LINGO2: variants seen among roughly 807,000 people sequenced by gnomAD.
LINGO2 encodes leucine rich repeat and Ig domain containing 2.
A neutral mutation model predicts 30.6 loss-of-function variants in LINGO2; 14 were observed. The ratio of observed to expected loss-of-function variants is 0.46; its 90% confidence interval spans 0.30 to 0.72. The LOEUF is 0.72. LINGO2 is among the 30% of genes least tolerant of loss of function. The probability of loss-of-function intolerance (pLI) is 0.07; values close to 1 mark genes in which losing one functional copy is unlikely to be tolerated. For synonymous variants in LINGO2, 317 were observed against 288.5 expected (o/e 1.10, Z -1.00); for missense variants, 729 against 751.7 (o/e 0.97, Z 0.35).
intron 5 of LINGO2, among the ~76,000 whole-genome samples, chr9:27,951,876 C>T (rs1819332110): frequency 6.6e-6 from 1 of 152,066 alleles, no homozygotes. Context: ...TCTATGTCTA[C>T]AACCACAGTA....
intron 4 of LINGO2, among the ~76,000 whole-genome samples, chr9:28,183,817 A>C (rs1276437337): frequency 2.0e-5 from 3 of 152,232 alleles, no homozygotes; most frequent in Non-Finnish European, 2.9e-5. Context: ...GCCATAGCTA[A>C]GGCCCAAGAA....
chr9:28,873,983 A>C, the LINGO2 span, among the ~76,000 whole-genome samples: 1 of 152,102 alleles, frequency 6.6e-6, no homozygotes, highest in African/African-American at 2.4e-5. Context: ...AAATAACATT[A>C]ACCAATTAAG....
intron 1 of LINGO2, among the ~76,000 whole-genome samples, chr9:28,626,958 C>A (rs1026422690): frequency 1.9e-4 from 29 of 151,780 alleles, no homozygotes; most frequent in African/African-American, 6.5e-4. Context: ...ATTTCTGAAT[C>A]TTTTTTATTA....
intron 5 of LINGO2, among the ~76,000 whole-genome samples, chr9:27,973,768 A>C (rs10812712): frequency 0.31 from 47,762 of 151,984 alleles, 7,661 homozygotes; most frequent in East Asian, 0.33. Context: ...CGAGAAAAAA[A>C]TGTTACTTTA....
intron 2 of LINGO2, among the ~76,000 whole-genome samples, chr9:28,412,223 T>C (rs1378363419): frequency 7.5e-6 from 1 of 134,034 alleles, no homozygotes; most frequent in Non-Finnish European, 1.7e-5. Flanking sequence ...AATTTGTTTC[T>C]TTAAAAAGCA....
At chr9:28,245,956 A>C (rs894291400) in intron 4 of LINGO2, among the ~76,000 whole-genome samples, 20 of 152,200 alleles carry the variant, frequency 1.3e-4, no homozygotes, top group African/African-American at 4.8e-4. Flanking sequence ...TTTAAATTTC[A>C]TGTGGAATCA....
chr9:28,729,198 A>G, the LINGO2 span, among the ~76,000 whole-genome samples: 1 of 152,178 alleles, frequency 6.6e-6, no homozygotes, highest in East Asian at 1.9e-4. Context: ...AACTTCTTAA[A>G]GAATTATCAG....
chr9:28,723,731 A>G, the LINGO2 span, among the ~76,000 whole-genome samples: 3 of 152,118 alleles, frequency 2.0e-5, no homozygotes, highest in East Asian at 5.8e-4. Context: ...CTCATATCCT[A>G]GAGATCAGCC....
intron 4 of LINGO2, among the ~76,000 whole-genome samples, chr9:28,052,246 G>T (rs1239524632): frequency 2.6e-5 from 4 of 152,074 alleles, no homozygotes; most frequent in African/African-American, 7.2e-5. Context: ...GGGAAGTGTT[G>T]TAAGTTTGAG....
intron 3 of LINGO2, among the ~76,000 whole-genome samples, chr9:28,357,315 G>GCC (rs747187754): frequency 0.11 from 7,175 of 63,840 alleles, 447 homozygotes; most frequent in East Asian, 0.27. Flanking sequence ...CAGAAATAAA[G>GCC]CCCACCCCCC....
chr9:28,952,651 C>G, the LINGO2 span, among the ~76,000 whole-genome samples: 2 of 152,044 alleles, frequency 1.3e-5, no homozygotes. Context: ...CTGGCCTTTT[C>G]GAGACCTATG....
intron 1 of LINGO2, among the ~76,000 whole-genome samples, chr9:28,630,740 A>C (rs1826898057): frequency 6.6e-6 from 1 of 152,138 alleles, no homozygotes; most frequent in Admixed American, 6.6e-5. Flanking sequence ...TATAAGCACC[A>C]AAATTCAACC....
At chr9:28,092,999 A>T (rs1826140896) in intron 4 of LINGO2, among the ~76,000 whole-genome samples, 1 of 152,064 alleles carries the variant, frequency 6.6e-6, no homozygotes, top group Admixed American at 6.6e-5. Flanking sequence ...AAGGGATGCC[A>T]AGATAGGCTA....
chr9:28,779,686 G>A, the LINGO2 span, among the ~76,000 whole-genome samples: 3 of 152,118 alleles, frequency 2.0e-5, no homozygotes, highest in Non-Finnish European at 4.4e-5. Context: ...ACAAGTGAAT[G>A]TAGGCCACAG....
the LINGO2 span, among the ~76,000 whole-genome samples, chr9:29,152,319 C>G: frequency 2.8e-4 from 42 of 152,114 alleles, no homozygotes; most frequent in African/African-American, 9.4e-4. Flanking sequence ...GGTATATACC[C>G]AAAGGAAAAT....
intron 5 of LINGO2, among the ~76,000 whole-genome samples, chr9:27,998,207 A>G (rs1347734336): frequency 6.6e-6 from 1 of 152,152 alleles, no homozygotes; most frequent in African/African-American, 2.4e-5. Context: ...ATATGGAGAA[A>G]GTGGTGCTGT....
chr9:28,684,579 G>C, the LINGO2 span, among the ~76,000 whole-genome samples: 1 of 148,206 alleles, frequency 6.7e-6, no homozygotes, highest in Admixed American at 6.7e-5. Context: ...CTGCCTCCCA[G>C]GTTCAAGTGA....
the LINGO2 span, among the ~76,000 whole-genome samples, chr9:29,134,176 A>T: frequency 6.6e-6 from 1 of 152,130 alleles, no homozygotes; most frequent in East Asian, 1.9e-4. Context: ...TGTAAAACCA[A>T]ATAAAGCTAC....
the LINGO2 span, among the ~76,000 whole-genome samples, chr9:29,112,705 C>G: frequency 6.6e-6 from 1 of 152,238 alleles, no homozygotes; most frequent in Admixed American, 6.5e-5. Context: ...TAATCCCCAT[C>G]TCCACAGCTT....
Sources: gnomAD v4.1 joint callset for allele counts (sites outside exome capture counted in the v4.1 genomes callset) on GRCh38, gnomAD v4.1.1 for gene constraint, MANE v1.5 for transcripts, NCBI Gene and HGNC (gene_info 2026-07-23, HGNC 2026-07-21) for gene names.